PPFIA1: variants seen among roughly 807,000 people sequenced by gnomAD.
PPFIA1 encodes the protein liprin-alpha-1.
Under a neutral mutation model 149.9 loss-of-function variants are expected in PPFIA1, and 25 were observed. The ratio of observed to expected loss-of-function variants is 0.17; its 90% CI spans 0.12 to 0.23. The LOEUF is 0.23. PPFIA1 is among the 10% of genes least tolerant of loss of function. The pLI is 1.00. For missense variants in PPFIA1, 1,362 were observed against 1,506.5 expected (o/e 0.90, Z 1.59); for synonymous variants, 549 against 552.8 (o/e 0.99, Z 0.10).
intron 2 of PPFIA1, chr11:70,282,518 A>AT (rs869216935): frequency 0.13 from 9,011 of 71,376 alleles, 2,441 homozygotes; most frequent in Non-Finnish European, 0.15. Flanking sequence ...TTGAGTGCTG[A>AT]TTTTTTTTTT....
intron 2 of PPFIA1, among the ~76,000 whole-genome samples, chr11:70,275,849 T>C (rs1337402967): frequency 6.6e-6 from 1 of 152,128 alleles, no homozygotes; most frequent in Non-Finnish European, 1.5e-5. Context: ...GGGTACTCAC[T>C]CGGTTGCCCA....
At chr11:70,361,897 C>A (rs2056669124) in intron 19 of PPFIA1, among the ~76,000 whole-genome samples, 198 bp from the exon 20 acceptor site, 1 of 151,640 alleles carries the variant, frequency 6.6e-6, no homozygotes, top group African/African-American at 2.4e-5. Flanking sequence ...GTAGCTGGGA[C>A]TACAGGGGTG....
At chr11:70,272,639 G>T (rs1591002151) in intron 2 of PPFIA1, among the ~76,000 whole-genome samples, 1 of 152,168 alleles carries the variant, frequency 6.6e-6, no homozygotes, top group Non-Finnish European at 1.5e-5. Flanking sequence ...AAAGTCATGT[G>T]AAAATACCTC....
At chr11:70,353,124 T>G (rs1422578081) in intron 16 of PPFIA1, among the ~76,000 whole-genome samples, 2 of 152,206 alleles carry the variant, frequency 1.3e-5, no homozygotes, top group African/African-American at 4.8e-5. Flanking sequence ...TGAGCACAGC[T>G]CCATTTTGCA....
chr11:70,351,143 A>G, intron 16 of PPFIA1: 1 of 455,550 alleles, frequency 2.2e-6, no homozygotes, highest in Non-Finnish European at 3.1e-6. Flanking sequence ...TTGGCGTTTT[A>G]ATGGAAGTGT....
chr11:70,345,477 A>G (rs1290656056), intron 15 of PPFIA1, among the ~76,000 whole-genome samples: 1 of 151,888 alleles, frequency 6.6e-6, no homozygotes, highest in Non-Finnish European at 1.5e-5. Context: ...TTGCTGAGGG[A>G]TTGGATCCAG....
chr11:70,329,156 G>A (rs967183759), intron 7 of PPFIA1, among the ~76,000 whole-genome samples: 5 of 152,150 alleles, frequency 3.3e-5, no homozygotes, highest in Non-Finnish European at 5.9e-5. Context: ...GAGAGAGGCC[G>A]CACCCTGTCC....
In PPFIA1 at chr11:70,280,297, A is replaced by G. The variant is rs528260705; in HGVS notation, c.264+7861A>G. ...TTTTAAGAGACAGGTGGCTGGGTGC[A>G]GTGGCTCACGCCTGTAATCCCAGCA... is the stretch of plus-strand genomic sequence containing the variant. On this transcript the variant is annotated intron_variant, in intron 2 of 27. Transcript: ENST00000253925. 2.4e-4 allele frequency among the ~76,000 whole-genome samples: 37 copies of G among 151,764 alleles called. No homozygotes were observed. The South Asian group carries it at 7.5e-3, about 31-fold the overall frequency.
At chr11:70,313,368 A>G (rs571564832) in intron 2 of PPFIA1, among the ~76,000 whole-genome samples, 19 of 152,308 alleles carry the variant, frequency 1.2e-4, no homozygotes, top group Middle Eastern at 3.4e-3. Context: ...CTTAAGGGCA[A>G]TGGGAAGTTA....
At chr11:70,347,775 A>C (rs1030890720) in intron 15 of PPFIA1, among the ~76,000 whole-genome samples, 2 of 152,184 alleles carry the variant, frequency 1.3e-5, no homozygotes, top group Non-Finnish European at 2.9e-5. Context: ...AGGCCGAGGC[A>C]GGCGGATCAC....
chr11:70,358,126 T>A (rs2056445835), intron 19 of PPFIA1: 1 of 152,202 alleles, frequency 6.6e-6, no homozygotes, highest in Non-Finnish European at 1.5e-5. Flanking sequence ...TGGGGAAAAT[T>A]TCCAAGTACA....
chr11:70,326,746 T>A lies in PPFIA1; in HGVS notation c.858T>A (p.Asp286Glu), dbSNP rs2054314652. Reference protein sequence around the residue: ...LSSHVTELEEDLDTARKDLIK... With the variant: ...LSSHVTELEEELDTARKDLIK... ...GTCATGTGACAGAACTGGAAGAGGA[T>A]CTGGACACGGCTAGAAAAGATCTCA... The change falls in exon 7 of 28, where the codon GAT (aspartate) becomes GAA (glutamate). Residue 286 changes from aspartate (D) to glutamate (E), a missense_variant. Asp to Glu is a conservative substitution (Grantham distance 45). This residue lies in a region of PPFIA1 where 733 missense variants were observed against 744.1 expected (regional missense o/e 0.99). Transcript: ENST00000253925. 2 of 1,614,036 alleles carry A rather than the reference T, an allele frequency of 1.2e-6. No homozygotes were observed. Among genetic ancestry groups the A allele is most frequent in the South Asian group, 2.2e-5 (2 of 91,084 alleles).
intron 12 of PPFIA1, among the ~76,000 whole-genome samples, chr11:70,337,792 T>C (rs2055073659): frequency 1.3e-5 from 2 of 152,248 alleles, no homozygotes; most frequent in African/African-American, 2.4e-5. Flanking sequence ...TTTAATTCAG[T>C]ATATGCAAAA....
At chr11:70,334,119 C>T (rs2054830348) in intron 10 of PPFIA1, among the ~76,000 whole-genome samples, 1 of 152,124 alleles carries the variant, frequency 6.6e-6, no homozygotes, top group Non-Finnish European at 1.5e-5. Context: ...TCCATTGAAT[C>T]CTAAGATTGT....
At chr11:70,314,348 C>A (rs1011266112) in intron 2 of PPFIA1, among the ~76,000 whole-genome samples, 3 of 152,078 alleles carry the variant, frequency 2.0e-5, no homozygotes, top group African/African-American at 7.2e-5. Context: ...AACTGAAGAC[C>A]GAGACAACCC....
intron 2 of PPFIA1, among the ~76,000 whole-genome samples, chr11:70,318,551 A>G (rs1248278514): frequency 6.6e-6 from 1 of 152,202 alleles, no homozygotes; most frequent in Non-Finnish European, 1.5e-5. Flanking sequence ...TCTTGACCTC[A>G]TATCTTCTCC....
chr11:70,315,737 C>G (rs1202756706), intron 2 of PPFIA1, among the ~76,000 whole-genome samples: 1 of 121,484 alleles, frequency 8.2e-6, no homozygotes, highest in East Asian at 2.7e-4. Context: ...AAAATACCAT[C>G]ATAACCATTT....
At chr11:70,365,656 G>A in intron 21 of PPFIA1, 1 of 354,262 alleles carries the variant, frequency 2.8e-6, no homozygotes, top group Non-Finnish European at 5.5e-6. Context: ...TTTTAGAATA[G>A]CTTTAATCTA....
chr11:70,272,543 G>C, intron 2 of PPFIA1, 107 bp downstream of exon 2: 2 of 1,300,460 alleles, frequency 1.5e-6, no homozygotes, highest in Non-Finnish European at 2.1e-6. Context: ...GTAACGATTT[G>C]TGAAATGATA....
Sources: gnomAD v4.1 joint callset for allele counts (sites outside exome capture counted in the v4.1 genomes callset) on GRCh38, gnomAD v4.1.1 for gene constraint, gnomAD v4.1.1 regional missense constraint, MANE v1.5 for transcripts, NCBI Gene and HGNC (gene_info 2026-07-23, HGNC 2026-07-21) for gene names.